Variants in RIPOR2 observed in about 807,000 individuals in gnomAD.
RIPOR2 encodes the protein rho family-interacting cell polarization regulator 2.
Under a neutral mutation model 114.5 loss-of-function variants are expected in RIPOR2, and 39 were observed. The ratio of observed to expected loss-of-function variants is 0.34; its 90% CI spans 0.26 to 0.44. The LOEUF is 0.44. Ranked by LOEUF, RIPOR2 falls within the 20% of genes least tolerant of loss-of-function variation. The probability of loss-of-function intolerance (pLI) is 1.00; values close to 1 mark genes in which losing one functional copy is unlikely to be tolerated. For synonymous variants in RIPOR2, 445 were observed against 484.4 expected (o/e 0.92, Z 1.07); for missense variants, 1,007 against 1,255.1 (o/e 0.80, Z 2.99).
chr6:24,981,027 G>A (rs1263412655), intron 1 of RIPOR2, among the ~76,000 whole-genome samples: 1 of 152,178 alleles, frequency 6.6e-6, no homozygotes, highest in Non-Finnish European at 1.5e-5. Flanking sequence ...AAAAACAAGG[G>A]TGGGTCTCAA....
rs398000982 is a variant in RIPOR2, at chr6:24,804,453, A to AG, written c.*1919_*1920insC. The AG allele has an allele frequency of 6.6e-6, 1 of 151,924 alleles. No individual in the cohort carries two copies. The highest frequency in any genetic ancestry group is 1.5e-5 in the Non-Finnish European group (1 of 67,972). 9.4% of individuals were successfully genotyped at this position (151,924 alleles called of 1,614,324 possible). On this transcript the variant is annotated 3_prime_UTR_variant, in exon 22 of 22. Coordinates refer to ENST00000643898, the MANE Select transcript of RIPOR2 (RefSeq NM_001286445.3). ...AATAGTCAAAATAAAAAATAAAAAA[A>AG]TGACAAACCAAACACAAAATCCTGT...
intron 14 of RIPOR2, among the ~76,000 whole-genome samples, chr6:24,838,272 G>A (rs887313242): frequency 1.3e-5 from 2 of 152,116 alleles, no homozygotes; most frequent in Admixed American, 1.3e-4. Flanking sequence ...TGACTTGGAT[G>A]CGTGCCTTGA....
intron 1 of RIPOR2, among the ~76,000 whole-genome samples, chr6:24,999,351 C>T (rs908382496): frequency 1.3e-5 from 2 of 152,080 alleles, no homozygotes; most frequent in African/African-American, 4.8e-5. Flanking sequence ...GAAAAGTGGG[C>T]GGCATGACAA....
At chr6:24,906,827 TG>T (rs1769054335) in intron 1 of RIPOR2, among the ~76,000 whole-genome samples, 1 of 151,924 alleles carries the variant, frequency 6.6e-6, no homozygotes, top group Non-Finnish European at 1.5e-5. Context: ...TTCATAGAGA[TG>T]GGGTTTCACC....
chr6:24,916,333 C>T (rs1296379480), intron 1 of RIPOR2, among the ~76,000 whole-genome samples: 1 of 152,150 alleles, frequency 6.6e-6, no homozygotes, highest in African/African-American at 2.4e-5. Context: ...GTCATCTGTC[C>T]CCTGAGTGCA....
rs372698441 is a variant in RIPOR2, at chr6:24,883,908, G to A, written c.62-8091C>T. Among the ~76,000 whole-genome samples the A allele has an allele frequency of 6.6e-6, 1 of 152,290 alleles. No individual in the cohort carries two copies. The highest frequency in any genetic ancestry group is 2.1e-4 in the South Asian group (1 of 4,824). ...CTCCCCCACATCGTGGTCAAAAGCA[G>A]ATGTATAATTGACTTGTCTGAAAGA... On this transcript the variant is annotated intron_variant, in intron 1 of 21. Coordinates refer to ENST00000643898, the MANE Select transcript of RIPOR2 (RefSeq NM_001286445.3). This position sits in a 1 kb window ranked among gnomAD's most constrained non-coding sequence, Gnocchi z 4.1.
At chr6:25,041,926 T>C in exon 1 of RIPOR2, 1 of 702,706 alleles carries the variant, frequency 1.4e-6, no homozygotes, top group Non-Finnish European at 2.6e-6. Flanking sequence ...GGTAACACCA[T>C]GGTCCCAACA....
chr6:25,039,395 T>C (rs1467392984), intron 1 of RIPOR2, among the ~76,000 whole-genome samples: 1 of 152,244 alleles, frequency 6.6e-6, no homozygotes, highest in Non-Finnish European at 1.5e-5. Context: ...TAACTCACAC[T>C]GACTCTCATG....
rs869301317 is a variant in RIPOR2, at chr6:25,015,896, G to GTTTTTTTTTTTT, written c.76+25943_76+25954dup. Reference sequence around the variant, plus strand: ...TCCCCTTAAAAACGCAGGTTTTTTGGTTTTTTTTTTTTTTTTTTTTTTTTT... The same window carrying GTTTTTTTTTTTT: ...TCCCCTTAAAAACGCAGGTTTTTTGGTTTTTTTTTTTTTTTTTTTTTTTTTTTTTTTTTTTTT... On this transcript the variant is annotated intron_variant, in intron 1 of 13. Transcript: ENST00000510784. 124 of 45,860 alleles carry GTTTTTTTTTTTT rather than the reference G, an allele frequency of 2.7e-3. 34 individuals carry two copies. Among genetic ancestry groups the GTTTTTTTTTTTT allele is most frequent in the African/African-American group, 7.7e-3 (109 of 14,092 alleles). 2.8% of individuals were successfully genotyped at this position (45,860 alleles called of 1,614,324 possible).
At chr6:24,959,212 T>C (rs550320357) in intron 1 of RIPOR2, among the ~76,000 whole-genome samples, 1 of 152,316 alleles carries the variant, frequency 6.6e-6, no homozygotes, top group East Asian at 1.9e-4. Context: ...ACTAATTACA[T>C]CTGCAATGAT....
At chr6:24,975,198 C>A (rs571506380) in intron 1 of RIPOR2, among the ~76,000 whole-genome samples, 1 of 152,164 alleles carries the variant, frequency 6.6e-6, no homozygotes, top group Admixed American at 6.5e-5. Flanking sequence ...TACTTATCTT[C>A]ATTTGTAAAT....
chr6:25,006,430 A>G (rs563716401), intron 1 of RIPOR2, among the ~76,000 whole-genome samples: 3 of 152,350 alleles, frequency 2.0e-5, no homozygotes, highest in East Asian at 3.9e-4. Flanking sequence ...TGAGGAATAA[A>G]TTGTATTTGT....
intron 1 of RIPOR2, among the ~76,000 whole-genome samples, chr6:24,903,076 T>C (rs1246106748): frequency 6.6e-6 from 1 of 152,204 alleles, no homozygotes; most frequent in Non-Finnish European, 1.5e-5. Flanking sequence ...CTCAGTCAGA[T>C]GGTGGCTGGA....
rs773386307 is a variant in RIPOR2, at chr6:24,847,656, C to T, written c.1164+369G>A. ...CTTGCAAGGCACTCAAGACAGACAG[C>T]CGCCTGGGCTTGTCTGGGGAAGGAT... On this transcript the variant is annotated intron_variant, in intron 12 of 21. Coordinates refer to ENST00000643898, the MANE Select transcript of RIPOR2 (RefSeq NM_001286445.3). The T allele has an allele frequency of 3.0e-5, 47 of 1,551,558 alleles. No individual in the cohort carries two copies. The highest frequency in any genetic ancestry group is 3.3e-4 in the Middle Eastern group (2 of 6,014).
chr6:25,005,694 G>GATT (rs35104341), intron 1 of RIPOR2, among the ~76,000 whole-genome samples: 2 of 45,378 alleles, frequency 4.4e-5, no homozygotes, highest in Non-Finnish European at 1.1e-4. Context: ...TCCCTATGGA[G>GATT]ATATATATAT....
At chr6:24,934,138 G>A (rs866443922) in intron 1 of RIPOR2, among the ~76,000 whole-genome samples, 4 of 152,204 alleles carry the variant, frequency 2.6e-5, no homozygotes, top group South Asian at 2.1e-4. Context: ...GGAGGGAGGT[G>A]TGGGTGAATG....
chr6:24,962,186 C>G (rs886819727), intron 1 of RIPOR2, among the ~76,000 whole-genome samples: 1 of 152,136 alleles, frequency 6.6e-6, no homozygotes, highest in Non-Finnish European at 1.5e-5. Flanking sequence ...GTACAGATGA[C>G]CTTGACCACC....
chr6:24,876,107 C>T (rs1223303156), intron 1 of RIPOR2, among the ~76,000 whole-genome samples: 1 of 151,838 alleles, frequency 6.6e-6, no homozygotes, highest in African/African-American at 2.4e-5. Flanking sequence ...CCTGGGCAAC[C>T]TGGTGAAACC....
At chr6:24,930,518 T>C (rs1159444500) in intron 1 of RIPOR2, among the ~76,000 whole-genome samples, 4 of 152,218 alleles carry the variant, frequency 2.6e-5, no homozygotes, top group Non-Finnish European at 5.9e-5. Context: ...TGCATAGCTT[T>C]AGTGCAATGT....
Sources: allele counts gnomAD v4.1 joint callset (sites outside exome capture counted in the v4.1 genomes callset), GRCh38; gene constraint gnomAD v4.1.1; non-coding constraint Gnocchi (gnomAD v3.1); transcripts MANE v1.5; gene names NCBI Gene and HGNC (gene_info 2026-07-23, HGNC 2026-07-21).